TRAPPC12: variants seen among roughly 807,000 people sequenced by gnomAD.
TRAPPC12 encodes TPR repeat protein 15.
In TRAPPC12, 61 loss-of-function variants were observed where a neutral mutation model predicts 69.2. The ratio of observed to expected loss-of-function variants is 0.88; its 90% CI spans 0.72 to 1.09. TRAPPC12 has a LOEUF of 1.09. TRAPPC12 is among the 50% of genes least tolerant of loss of function. The pLI is 0.00. For missense variants in TRAPPC12, 1,101 were observed against 1,016.4 expected (o/e 1.08, Z -1.13); for synonymous variants, 469 against 438.9 (o/e 1.07, Z -0.86).
chr2:3,468,432 T>TC (rs35239318), intron 9 of TRAPPC12, among the ~76,000 whole-genome samples: 26,975 of 151,896 alleles, frequency 0.18, 2,938 homozygotes, highest in African/African-American at 0.29. Context: ...AGTCCCCCCA[T>TC]ACAACCGCCT....
intron 3 of TRAPPC12, among the ~76,000 whole-genome samples, chr2:3,419,427 A>G (rs2103049100): frequency 6.6e-6 from 1 of 152,336 alleles, no homozygotes; most frequent in African/African-American, 2.4e-5. Flanking sequence ...TTAGTAAATT[A>G]TCGTAACCAA....
intron 3 of TRAPPC12, among the ~76,000 whole-genome samples, chr2:3,404,790 T>C (rs73145225): frequency 0.018 from 2,666 of 151,106 alleles, 83 homozygotes; most frequent in African/African-American, 0.059. Flanking sequence ...CCCCAGTCGG[T>C]AAGCTACTCT....
chr2:3,388,153 C>CT lies in TRAPPC12; in HGVS notation c.530_531insT (p.Gln178AlafsTer114). 11 of 1,605,340 alleles carry CT rather than the reference C, an allele frequency of 6.9e-6. No homozygotes were observed. The highest frequency in any genetic ancestry group is 9.3e-6 in the Non-Finnish European group (11 of 1,176,638). ...CCAGCCTCCGGGGACGGCTTCGAGC[C>CT]GCAGATGGTGAAGTCGCCCAGCTTC... On this transcript the variant is annotated frameshift_variant, in exon 2 of 12. Transcript: ENST00000324266. LOFTEE classifies it high-confidence loss of function.
At position 3,417,936 on chromosome 2, in the gene TRAPPC12, A is replaced by G. The variant is rs1486585716; in HGVS notation, c.1165-3945A>G. Among the ~76,000 whole-genome samples the G allele has an allele frequency of 6.3e-5, 5 of 79,834 alleles. No homozygotes were observed. In the South Asian group the frequency reaches 1.4e-3, roughly 23 times the overall value. The allele number at this position is 79,834 out of a possible 152,430, so 52.4% of individuals were successfully genotyped here. ...CGGGCGCCTGTAGTCCCAGCTACTC[A>G]GGAGGTTGAGGCAAGAGAATCACTT... On this transcript the variant is annotated intron_variant, in intron 3 of 11. Transcript: ENST00000324266.
intron 2 of TRAPPC12, among the ~76,000 whole-genome samples, chr2:3,399,388 CTT>C (rs1186113414): frequency 2.0e-5 from 3 of 152,156 alleles, no homozygotes; most frequent in South Asian, 2.1e-4. Flanking sequence ...TGTCTGAACT[CTT>C]TTATTTTGCC....
At chr2:3,384,931 A>G (rs567226707) in intron 1 of TRAPPC12, among the ~76,000 whole-genome samples, 2 of 152,302 alleles carry the variant, frequency 1.3e-5, no homozygotes, top group South Asian at 2.1e-4. Flanking sequence ...TTTTATGGTT[A>G]TAGAACTATC....
At chr2:3,420,906 T>C (rs1335444866) in intron 3 of TRAPPC12, among the ~76,000 whole-genome samples, 1 of 152,224 alleles carries the variant, frequency 6.6e-6, no homozygotes, top group Admixed American at 6.5e-5. Context: ...AGAGAAGCGC[T>C]TGGCATGCAC....
At chr2:3,385,039 AT>A (rs1354306723) in intron 1 of TRAPPC12, among the ~76,000 whole-genome samples, 2 of 152,168 alleles carry the variant, frequency 1.3e-5, no homozygotes, top group African/African-American at 4.8e-5. Flanking sequence ...TGAAGAAGCT[AT>A]TTTGCTACAA....
At chr2:3,387,488 AATC>A in intron 1 of TRAPPC12, 129 bp from the exon 2 acceptor site, 1 of 768,254 alleles carries the variant, frequency 1.3e-6, no homozygotes, top group Non-Finnish European at 2.1e-6. Context: ...ATTTTACCAT[AATC>A]AAAAGCACAT....
intron 5 of TRAPPC12, among the ~76,000 whole-genome samples, chr2:3,432,953 C>T (rs1352831031): frequency 6.6e-6 from 1 of 152,224 alleles, no homozygotes; most frequent in Non-Finnish European, 1.5e-5. Context: ...TGTCTTCATG[C>T]TTCAGGGCTT....
At chr2:3,431,702 C>G (rs1462500310) in intron 5 of TRAPPC12, among the ~76,000 whole-genome samples, 1 of 151,964 alleles carries the variant, frequency 6.6e-6, no homozygotes, top group Non-Finnish European at 1.5e-5. Flanking sequence ...GAAAATATTT[C>G]TAGAACATTC....
intron 7 of TRAPPC12, among the ~76,000 whole-genome samples, chr2:3,459,765 G>A (rs1439850178): frequency 6.6e-6 from 1 of 152,230 alleles, no homozygotes; most frequent in Non-Finnish European, 1.5e-5. Context: ...TGGGGGAACC[G>A]GCGTCTGCAC....
chr2:3,400,435 T>C (rs1026089891), intron 2 of TRAPPC12, among the ~76,000 whole-genome samples: 8 of 151,996 alleles, frequency 5.3e-5, no homozygotes, highest in Admixed American at 3.3e-4. Context: ...TCAGCGCTGC[T>C]TCCCTTTCCC....
intron 3 of TRAPPC12, 93 bp from the exon 4 acceptor site, chr2:3,421,788 T>TGAGC: frequency 1.7e-6 from 2 of 1,147,718 alleles, no homozygotes; most frequent in Non-Finnish European, 2.6e-6. Flanking sequence ...TCCAGCAAGG[T>TGAGC]GAGCAGCTGT....
chr2:3,460,720 T>C (rs899784610), intron 8 of TRAPPC12: 17 of 190,760 alleles, frequency 8.9e-5, no homozygotes, highest in Non-Finnish European at 1.8e-4. Flanking sequence ...GATTGATGCT[T>C]ACAACACCTG....
At chr2:3,463,512 A>G (rs943281591) in intron 8 of TRAPPC12, among the ~76,000 whole-genome samples, 4 of 150,658 alleles carry the variant, frequency 2.7e-5, no homozygotes, top group Non-Finnish European at 5.9e-5. Flanking sequence ...CCATGCCTAA[A>G]GTAACTTCCC....
intron 5 of TRAPPC12, among the ~76,000 whole-genome samples, chr2:3,442,127 TCGGAG>T (rs1664252268): frequency 1.3e-5 from 2 of 151,700 alleles, no homozygotes; most frequent in Non-Finnish European, 3.0e-5. Flanking sequence ...TACGTTGAGA[TCGGAG>T]TATTAACAGC....
rs547548112 is a variant in TRAPPC12 at position 3,399,612 on chromosome 2, C to T, written c.1048-2165C>T. Reference sequence around the variant, plus strand: ...ACCTGGAGCCACCCAGCCCCTTCTGCCGCAGGCTGTTGATCTCTCCTGGTA... The same window carrying T: ...ACCTGGAGCCACCCAGCCCCTTCTGTCGCAGGCTGTTGATCTCTCCTGGTA... On this transcript the variant is annotated intron_variant, in intron 2 of 11. Coordinates refer to ENST00000324266, the MANE Select transcript of TRAPPC12 (RefSeq NM_016030.6). Among the ~76,000 whole-genome samples the T allele has an allele frequency of 2.3e-4, 35 of 152,306 alleles. No homozygotes were observed. In the South Asian group the frequency reaches 7.3e-3, roughly 32 times the overall value.
At chr2:3,463,674 C>T (rs982860709) in intron 8 of TRAPPC12, among the ~76,000 whole-genome samples, 2 of 151,756 alleles carry the variant, frequency 1.3e-5, no homozygotes, top group African/African-American at 4.8e-5. Context: ...GTGCTGCGCC[C>T]CCACCACGCC....
Sources: allele counts gnomAD v4.1 joint callset (sites outside exome capture counted in the v4.1 genomes callset), GRCh38; gene constraint gnomAD v4.1.1; transcripts MANE v1.5; gene names NCBI Gene and HGNC (gene_info 2026-07-23, HGNC 2026-07-21).